The following DIXDC1 variants were observed in gnomAD, a reference collection of about 807,000 sequenced individuals.
DIXDC1 encodes the protein dixin.
Under a neutral mutation model 103.1 loss-of-function variants are expected in DIXDC1, and 64 were observed. The ratio of observed to expected loss-of-function variants is 0.62; its 90% CI spans 0.51 to 0.76. The LOEUF (loss-of-function observed/expected upper bound fraction) is 0.76. Among genes scored for constraint, DIXDC1 ranks in the 30% least tolerant of loss-of-function variants. The pLI, the probability that DIXDC1 is intolerant of heterozygous loss-of-function variation, is 0.00. For synonymous variants in DIXDC1, 266 were observed against 298.5 expected (o/e 0.89, Z 1.12); for missense variants, 759 against 834.2 (o/e 0.91, Z 1.11).
chr11:112,016,902 T>C, intron 18 of DIXDC1, 106 bp downstream of exon 18: 2 of 906,984 alleles, frequency 2.2e-6, no homozygotes, highest in Non-Finnish European at 3.3e-6. Context: ...AGAAGCAGTA[T>C]AGTGAGATCT....
At chr11:111,966,132 T>C (rs994887607) in intron 2 of DIXDC1, among the ~76,000 whole-genome samples, 1 of 151,824 alleles carries the variant, frequency 6.6e-6, no homozygotes, top group Non-Finnish European at 1.5e-5. Context: ...TCTATACAAG[T>C]AATATGAATA....
intron 2 of DIXDC1, 71 bp downstream of exon 2, chr11:111,964,749 C>A: frequency 6.8e-7 from 1 of 1,469,852 alleles, no homozygotes; most frequent in South Asian, 1.4e-5. Context: ...CTTCTTATGC[C>A]CTTTAGAGCA....
Position 111,980,787 on chromosome 11 carries a change from C to G in DIXDC1, c.707C>G (p.Thr236Ser). The change falls in exon 6 of 20, where the codon ACC becomes AGC. Residue 236 changes from threonine to serine, a missense_variant. Coordinates refer to ENST00000440460, the MANE Select transcript of DIXDC1 (RefSeq NM_001037954.4). ...AGTGCAAAGAGCGAGTCCATTATAA[C>G]CCAGTCAGAAGAGAAGGCAGATTTT... ...IHSAKSESIITQSEEKADFVI... is the reference protein window; with the variant it reads ...IHSAKSESIISQSEEKADFVI... 6.2e-7 allele frequency: 1 copy of G among 1,614,002 alleles called. No individual in the cohort carries two copies. The highest frequency in any genetic ancestry group is 8.5e-7 in the Non-Finnish European group (1 of 1,179,880).
intron 1 of DIXDC1, among the ~76,000 whole-genome samples, chr11:111,944,542 A>T (rs2137453341): frequency 6.6e-6 from 1 of 152,334 alleles, no homozygotes; most frequent in Admixed American, 6.5e-5. Flanking sequence ...ATTTGGTGGC[A>T]AGAAAGCTTT....
chr11:112,007,709 G>GCTT (rs1312164112), intron 17 of DIXDC1, among the ~76,000 whole-genome samples: 1 of 152,116 alleles, frequency 6.6e-6, no homozygotes, highest in Non-Finnish European at 1.5e-5. Context: ...GCCAAACTAA[G>GCTT]CTTCATAAGT....
chr11:111,968,605 A>G lies in DIXDC1; in HGVS notation c.283A>G (p.Lys95Glu), dbSNP rs1859811072. 2 of 1,611,534 alleles carry G rather than the reference A, an allele frequency of 1.2e-6. No individual in the cohort carries two copies. Among genetic ancestry groups the G allele is most frequent in the Non-Finnish European group, 8.5e-7 (1 of 1,178,754 alleles). The change falls in exon 3 of 20, where the codon AAA becomes GAA. Residue 95 changes from lysine (K) to glutamate (E), a missense_variant. Lys to Glu is a moderately conservative substitution (Grantham distance 56). Transcript: ENST00000440460. Reference protein sequence around the residue: ...VEKVLQFVASKKIRMHQTSAK... With the variant: ...VEKVLQFVASEKIRMHQTSAK... ...GAAAGTGCTACAGTTTGTGGCCTCT[A>G]AAAAGATTCGTATGCACCAGACTTC... is the stretch of plus-strand genomic sequence containing the variant.
At position 111,992,830 on chromosome 11, in the gene DIXDC1, A is replaced by G. The variant is rs1860750501; in HGVS notation, c.1219-121A>G. 6.0e-6 allele frequency: 6 copies of G among 1,008,000 alleles called. No homozygotes were observed. In the East Asian group the frequency reaches 1.3e-4, roughly 22 times the overall value. The allele number at this position is 1,008,000 out of a possible 1,614,324, so 62.4% of individuals were successfully genotyped here. Reference sequence around the variant, plus strand: ...TGGAGAGCAGCTGTGTATTTTTACCATCATACCCTCTCTGTGCTGCATACT... The same window carrying G: ...TGGAGAGCAGCTGTGTATTTTTACCGTCATACCCTCTCTGTGCTGCATACT... On this transcript the variant is annotated intron_variant, in intron 11 of 19. Transcript: ENST00000440460.
rs1368940930 is a variant in DIXDC1, at chr11:111,964,587, G to A, written c.99G>A (p.Gln33=). ...LQAYVAWVNA[Q]LKKRPAVKPV... Reference sequence around the variant, plus strand: ...CCTATGTGGCCTGGGTGAATGCACAGCTGAAGAAGAGGCCAGCAGTGAAGC... The same window carrying A: ...CCTATGTGGCCTGGGTGAATGCACAACTGAAGAAGAGGCCAGCAGTGAAGC... Residue 33 remains glutamine, a synonymous_variant, in exon 2 of 20, where the codon CAG becomes CAA. Transcript: ENST00000440460. The A allele has an allele frequency of 4.3e-6, 7 of 1,609,640 alleles. No individual in the cohort carries two copies. Among genetic ancestry groups the A allele is most frequent in the Non-Finnish European group, 5.1e-6 (6 of 1,177,938 alleles).
chr11:111,988,909 A>G (rs1860595958), intron 9 of DIXDC1, 96 bp from the exon 10 acceptor site: 1 of 1,062,392 alleles, frequency 9.4e-7, no homozygotes, highest in Non-Finnish European at 1.4e-6. Flanking sequence ...TCACGGAATG[A>G]TCAACTGGGT....
chr11:111,992,634 G>A, intron 11 of DIXDC1, 115 bp downstream of exon 11: 2 of 910,738 alleles, frequency 2.2e-6, no homozygotes, highest in Non-Finnish European at 3.3e-6. Flanking sequence ...TGGGATGCCT[G>A]CCTTAAGTGT....
chr11:111,972,180 T>C (rs1477994159), intron 3 of DIXDC1, among the ~76,000 whole-genome samples: 1 of 152,234 alleles, frequency 6.6e-6, no homozygotes, highest in Non-Finnish European at 1.5e-5. Flanking sequence ...CTTGTATATT[T>C]AAAGGCTACA....
At chr11:111,996,451 AAC>A (rs1860902312) in intron 17 of DIXDC1, 1 of 219,386 alleles carries the variant, frequency 4.6e-6, no homozygotes, top group East Asian at 1.2e-4. Flanking sequence ...AAACAACAAA[AAC>A]ACATACATAC....
intron 2 of DIXDC1, among the ~76,000 whole-genome samples, chr11:111,965,192 T>C (rs1859689129): frequency 1.3e-5 from 2 of 152,162 alleles, no homozygotes; most frequent in African/African-American, 4.8e-5. Flanking sequence ...TCATAAAATT[T>C]TTTTCCTCTT....
rs782009407 is a variant in DIXDC1 at position 111,968,480 on chromosome 11, C to T, written c.191-33C>T. 5 of 1,604,456 alleles carry T rather than the reference C, an allele frequency of 3.1e-6. No individual in the cohort carries two copies. The African/African-American group carries it at 6.7e-5, about 21-fold the overall frequency. ...TATGAAACTTTGATAATATTCCTCC[C>T]TATAACTTCCTATATTTTCTCTCTC... is the stretch of plus-strand genomic sequence containing the variant. On this transcript the variant is annotated intron_variant, in intron 2 of 19. Transcript: ENST00000440460.
intron 5 of DIXDC1, among the ~76,000 whole-genome samples, chr11:111,979,580 G>C (rs1191913840): frequency 6.6e-6 from 1 of 152,164 alleles, no homozygotes; most frequent in Non-Finnish European, 1.5e-5. Flanking sequence ...TTCCCATCTT[G>C]TCTTGTAGAT....
At chr11:111,960,075 A>C (rs1859520163) in intron 1 of DIXDC1, among the ~76,000 whole-genome samples, 1 of 151,660 alleles carries the variant, frequency 6.6e-6, no homozygotes, top group African/African-American at 2.4e-5. Flanking sequence ...ACACCCGGCT[A>C]ATTTTTGTAT....
At chr11:111,988,420 G>C (rs1315883369) in intron 9 of DIXDC1, among the ~76,000 whole-genome samples, 3 of 152,124 alleles carry the variant, frequency 2.0e-5, no homozygotes, top group Non-Finnish European at 4.4e-5. Flanking sequence ...CTGTGTTATG[G>C]TTGTTCCCCT....
At chr11:111,930,427 G>A (rs1451105021) in intron 2 of DIXDC1, among the ~76,000 whole-genome samples, 2 of 152,002 alleles carry the variant, frequency 1.3e-5, no homozygotes, top group South Asian at 2.1e-4. Flanking sequence ...CTACAGGCAC[G>A]TGCCATCACA....
chr11:111,970,991 C>T (rs1859903754), intron 3 of DIXDC1, among the ~76,000 whole-genome samples: 1 of 152,158 alleles, frequency 6.6e-6, no homozygotes, highest in African/African-American at 2.4e-5. Context: ...GGAATAAAGA[C>T]TTAAATATAA....
Sources: allele counts gnomAD v4.1 joint callset (sites outside exome capture counted in the v4.1 genomes callset), GRCh38; gene constraint gnomAD v4.1.1; transcripts MANE v1.5; gene names NCBI Gene and HGNC (gene_info 2026-07-23, HGNC 2026-07-21).